The following FBXO16 variants were observed in gnomAD, a reference collection of about 807,000 sequenced individuals.
FBXO16 encodes F-box protein 16, also known as F-box only protein 16.
In FBXO16, 31 loss-of-function variants were observed where a neutral mutation model predicts 41.0. The ratio of observed to expected loss-of-function variants is 0.76; its 90% CI spans 0.57 to 1.02. The LOEUF is 1.02. Among genes scored for constraint, FBXO16 ranks in the 50% least tolerant of loss-of-function variants. FBXO16 has a pLI of 0.00. For missense variants in FBXO16, 361 were observed against 346.2 expected, an observed-to-expected ratio of 1.04 and a Z score of -0.34; for synonymous variants, 133 against 117.8, an observed-to-expected ratio of 1.13 and a Z score of -0.84.
At chr8:28,482,593 CAG>C (rs1270779085) in intron 2 of FBXO16, among the ~76,000 whole-genome samples, 6 of 152,074 alleles carry the variant, frequency 3.9e-5, no homozygotes, top group Admixed American at 2.0e-4. Flanking sequence ...GTTGTTGAGA[CAG>C]AGTTTCCTCT....
intron 4 of FBXO16, among the ~76,000 whole-genome samples, chr8:28,459,268 T>A (rs1803085544): frequency 6.6e-6 from 1 of 152,094 alleles, no homozygotes; most frequent in Non-Finnish European, 1.5e-5. Flanking sequence ...CTTTCTTTAT[T>A]TTAAATATTA....
At chr8:28,461,671 T>C (rs1803137080) in intron 4 of FBXO16, among the ~76,000 whole-genome samples, 1 of 152,194 alleles carries the variant, frequency 6.6e-6, no homozygotes, top group Admixed American at 6.5e-5. Context: ...TTTATGGCGT[T>C]CTGTTCCATG....
chr8:28,449,738 C>A (rs566561660), intron 6 of FBXO16, among the ~76,000 whole-genome samples: 2 of 151,936 alleles, frequency 1.3e-5, no homozygotes, highest in East Asian at 3.9e-4. Flanking sequence ...CTTTGGGAGG[C>A]TGAGGTGTGA....
intron 7 of FBXO16, among the ~76,000 whole-genome samples, chr8:28,436,416 C>A (rs1489820942): frequency 6.6e-6 from 1 of 152,210 alleles, no homozygotes; most frequent in South Asian, 2.1e-4. Context: ...AAAGAAATAA[C>A]CAACGCAGTT....
At chr8:28,482,583 G>T (rs528470260) in intron 2 of FBXO16, among the ~76,000 whole-genome samples, 9 of 152,116 alleles carry the variant, frequency 5.9e-5, no homozygotes, top group Admixed American at 3.9e-4. Context: ...TATTGTTGTT[G>T]TTGTTGAGAC....
At chr8:28,433,956 ATT>A (rs773888558) in intron 7 of FBXO16, among the ~76,000 whole-genome samples, 39 of 118,266 alleles carry the variant, frequency 3.3e-4, no homozygotes, top group African/African-American at 3.9e-4. Flanking sequence ...TCACTCCCTG[ATT>A]TTTTTTTTTT....
At chr8:28,434,358 C>A (rs942524823) in intron 7 of FBXO16, among the ~76,000 whole-genome samples, 10 of 152,132 alleles carry the variant, frequency 6.6e-5, no homozygotes, top group African/African-American at 2.4e-4. Flanking sequence ...ACCCAAGGAT[C>A]AGTTAAGTGA....
chr8:28,438,119 C>G (rs957065561), intron 7 of FBXO16, among the ~76,000 whole-genome samples: 2 of 152,032 alleles, frequency 1.3e-5, no homozygotes, highest in Non-Finnish European at 2.9e-5. Context: ...AGCTCGAGAC[C>G]AGCCTGGGCA....
intron 3 of FBXO16, among the ~76,000 whole-genome samples, chr8:28,472,286 T>C (rs1460283830): frequency 1.3e-5 from 2 of 152,062 alleles, no homozygotes; most frequent in African/African-American, 2.4e-5. Flanking sequence ...TTTGTAGATA[T>C]GGGGTCTAAC....
In FBXO16 at chr8:28,433,072, AAC is replaced by A. The variant is rs1319221530; in HGVS notation, c.844-3671_844-3670del. On this transcript the variant is annotated intron_variant, in intron 7 of 8. Coordinates refer to ENST00000380254, the MANE Select transcript of FBXO16 (RefSeq NM_172366.4). ...TGAGACTTCGTCCAAAAAAAAAAAA[AAC>A]AAACAAAAAACAAACAAACAAACAA... is the stretch of plus-strand genomic sequence containing the variant. 4.5e-3 allele frequency among the ~76,000 whole-genome samples: 629 copies of A among 139,744 alleles called. 8 individuals are homozygous for A. Among genetic ancestry groups the A allele is most frequent in the African/African-American group, 0.017 (584 of 34,230 alleles). The allele number at this position is 139,744 out of a possible 152,430, so 91.7% of individuals were successfully genotyped here. A position where few individuals can be genotyped will look rare whatever the true frequency, so the allele number is the denominator to read the frequency against.
intron 2 of FBXO16, among the ~76,000 whole-genome samples, chr8:28,477,733 T>C (rs1378937840): frequency 1.3e-5 from 2 of 152,172 alleles, no homozygotes; most frequent in African/African-American, 2.4e-5. Context: ...AAACCAGTAT[T>C]AACAGTTTGA....
At chr8:28,474,356 G>GAA (rs1803389061) in intron 2 of FBXO16, among the ~76,000 whole-genome samples, 1 of 89,618 alleles carries the variant, frequency 1.1e-5, no homozygotes, top group African/African-American at 3.9e-5. Context: ...AAAAAAAAGA[G>GAA]AGAGAAAGAA....
At chr8:28,432,628 A>G (rs1042462390) in intron 7 of FBXO16, among the ~76,000 whole-genome samples, 3 of 152,200 alleles carry the variant, frequency 2.0e-5, no homozygotes, top group Non-Finnish European at 4.4e-5. Flanking sequence ...TTGCTTTCAC[A>G]AACGACACCA....
chr8:28,467,902 G>A (rs912116434), intron 3 of FBXO16, among the ~76,000 whole-genome samples: 1 of 151,812 alleles, frequency 6.6e-6, no homozygotes, highest in South Asian at 2.1e-4. Context: ...TTGCCTCAAG[G>A]GATTTTCCTT....
chr8:28,448,857 A>G (rs1433860756), intron 6 of FBXO16: 1 of 152,220 alleles, frequency 6.6e-6, no homozygotes, highest in Non-Finnish European at 1.5e-5. Flanking sequence ...CACATGGTCT[A>G]TTACTATATT....
At chr8:28,440,248 A>G (rs1802748979) in intron 7 of FBXO16, among the ~76,000 whole-genome samples, 1 of 152,106 alleles carries the variant, frequency 6.6e-6, no homozygotes, top group Non-Finnish European at 1.5e-5. Flanking sequence ...GACTACAGGC[A>G]TGCGACACCA....
chr8:28,437,009 C>A (rs1802696668), intron 7 of FBXO16, among the ~76,000 whole-genome samples: 1 of 152,194 alleles, frequency 6.6e-6, no homozygotes, highest in Non-Finnish European at 1.5e-5. Context: ...CTGCCTCAGC[C>A]TCCCAAAGTG....
intron 7 of FBXO16, among the ~76,000 whole-genome samples, chr8:28,430,703 G>T (rs2130069208): frequency 6.6e-6 from 1 of 152,300 alleles, no homozygotes; most frequent in Non-Finnish European, 1.5e-5. Flanking sequence ...CAGGCGCAGT[G>T]GCTCATGCCT....
chr8:28,429,507 C>A, intron 7 of FBXO16, 104 bp from the exon 8 acceptor site: 2 of 1,382,392 alleles, frequency 1.4e-6, no homozygotes, highest in South Asian at 1.2e-5. Flanking sequence ...CAAAGTTCGC[C>A]CTTATCTTGG....
Sources: allele counts gnomAD v4.1 joint callset (sites outside exome capture counted in the v4.1 genomes callset), GRCh38; gene constraint gnomAD v4.1.1; transcripts MANE v1.5; gene names NCBI Gene and HGNC (gene_info 2026-07-23, HGNC 2026-07-21).